RNF180: variants seen among roughly 807,000 people sequenced by gnomAD.
RNF180 encodes the protein ring finger protein 180.
RNF180 carries 38 observed loss-of-function variants against 59.2 expected under a neutral mutation model. The ratio of observed to expected loss-of-function variants is 0.64; its 90% CI spans 0.50 to 0.84. RNF180 has a LOEUF of 0.84. RNF180 is among the 40% of genes least tolerant of loss of function. The pLI is 0.00. For missense variants in RNF180, 705 were observed against 700.9 expected (o/e 1.01, Z -0.07); for synonymous variants, 262 against 240.3 (o/e 1.09, Z -0.84).
At chr5:64,200,757 C>G in intron 1 of RNF180, 51 bp from the exon 2 acceptor site, 1 of 1,524,228 alleles carries the variant, frequency 6.6e-7, no homozygotes, top group Middle Eastern at 2.1e-4. Context: ...TTTAGAAAGT[C>G]CAGTTTATCT....
chr5:64,320,139 T>A (rs115663716), intron 5 of RNF180, among the ~76,000 whole-genome samples: 77 of 152,336 alleles, frequency 5.1e-4, no homozygotes, highest in African/African-American at 1.7e-3. Context: ...CTGATTTTGA[T>A]AGGCAGTAAA....
At chr5:64,345,899 G>A (rs1745534163) in intron 7 of RNF180, among the ~76,000 whole-genome samples, 1 of 152,054 alleles carries the variant, frequency 6.6e-6, no homozygotes, top group Admixed American at 6.6e-5. Context: ...TTTTATGTGT[G>A]TGAAGTACAA....
At chr5:64,306,551 A>G (rs1342560727) in intron 5 of RNF180, among the ~76,000 whole-genome samples, 1 of 151,776 alleles carries the variant, frequency 6.6e-6, no homozygotes, top group African/African-American at 2.4e-5. Flanking sequence ...TGACCATACA[A>G]TAGCAAAGAC....
At chr5:64,228,792 C>A (rs1741928444) in intron 5 of RNF180, among the ~76,000 whole-genome samples, 1 of 151,938 alleles carries the variant, frequency 6.6e-6, no homozygotes, top group Non-Finnish European at 1.5e-5. Flanking sequence ...GGGAAAATCT[C>A]CAACAGACCA....
chr5:64,291,628 C>T (rs1580191429), intron 5 of RNF180, among the ~76,000 whole-genome samples: 1 of 151,728 alleles, frequency 6.6e-6, no homozygotes, highest in Non-Finnish European at 1.5e-5. Context: ...GGGGTTTCAC[C>T]GTGTTAGCCA....
intron 5 of RNF180, among the ~76,000 whole-genome samples, chr5:64,284,862 A>G (rs1742200873): frequency 6.6e-6 from 1 of 152,226 alleles, no homozygotes; most frequent in Admixed American, 6.5e-5. Context: ...TTGCTGGGAA[A>G]CTAGTGCAGT....
chr5:64,292,355 T>C (rs1264689099), intron 5 of RNF180, among the ~76,000 whole-genome samples: 1 of 152,200 alleles, frequency 6.6e-6, no homozygotes, highest in Non-Finnish European at 1.5e-5. Flanking sequence ...TATTTTCTTT[T>C]AACAACCAGG....
chr5:64,316,738 A>C (rs1744057532), intron 5 of RNF180, among the ~76,000 whole-genome samples: 1 of 152,208 alleles, frequency 6.6e-6, no homozygotes, highest in South Asian at 2.1e-4. Flanking sequence ...TGAATATATG[A>C]AATATAATTG....
chr5:64,197,916 T>G (rs545536926), intron 1 of RNF180, among the ~76,000 whole-genome samples: 1 of 152,292 alleles, frequency 6.6e-6, no homozygotes, highest in Non-Finnish European at 1.5e-5. Context: ...GACTTGCATT[T>G]AAGTAAATTC....
rs866015789 is a variant in RNF180, at chr5:64,351,665, A to G, written c.1580-17950A>G. On this transcript the variant is annotated intron_variant, in intron 7 of 7. Transcript: ENST00000389100. The stretch of plus-strand genomic sequence containing the variant: ...TTTCTGCATCTATTGAGATTATCAT[A>G]TGGTTTTTGTCTTTGGTTCTGTTTA... Among the ~76,000 whole-genome samples the G allele has an allele frequency of 4.6e-5, 7 of 151,524 alleles. No homozygotes were observed. In the East Asian group the frequency reaches 5.8e-4, roughly 13 times the overall value.
upstream of RNF180, among the ~76,000 whole-genome samples, chr5:64,165,354 C>T (rs1248206090): frequency 6.6e-6 from 1 of 152,022 alleles, no homozygotes; most frequent in Non-Finnish European, 1.5e-5. Flanking sequence ...TCTCCTTGCA[C>T]ATCGGTGGAA....
chr5:64,205,919 A>T (rs1473870179), intron 2 of RNF180, among the ~76,000 whole-genome samples: 1 of 152,204 alleles, frequency 6.6e-6, no homozygotes, highest in Non-Finnish European at 1.5e-5. Context: ...GAGTGAAAAA[A>T]TAGAACCGAA....
chr5:64,271,085 T>C (rs928244874), intron 5 of RNF180, among the ~76,000 whole-genome samples: 5 of 152,074 alleles, frequency 3.3e-5, no homozygotes, highest in Non-Finnish European at 7.4e-5. Context: ...TTTCATGTGC[T>C]TGGTAATGAT....
At chr5:64,248,879 A>G (rs1252424568) in intron 5 of RNF180, among the ~76,000 whole-genome samples, 1 of 152,248 alleles carries the variant, frequency 6.6e-6, no homozygotes, top group Non-Finnish European at 1.5e-5. Context: ...GAAAGACTGG[A>G]TAAAGAAAAT....
At chr5:64,219,378 C>A (rs763980592) in intron 5 of RNF180, among the ~76,000 whole-genome samples, 18 of 151,094 alleles carry the variant, frequency 1.2e-4, no homozygotes, top group Non-Finnish European at 2.4e-4. Context: ...ATTTTTTATG[C>A]CTCCGTCGTT....
In RNF180 at chr5:64,303,160, G is replaced by C. The variant is rs981371371; in HGVS notation, c.1228-22026G>C. 5.3e-5 allele frequency among the ~76,000 whole-genome samples: 8 copies of C among 151,584 alleles called. No homozygotes were observed. In the Admixed American group the frequency reaches 5.3e-4, roughly 10 times the overall value. On this transcript the variant is annotated intron_variant, in intron 5 of 7. Coordinates refer to ENST00000389100, the MANE Select transcript of RNF180 (RefSeq NM_001113561.2). Reference sequence around the variant, plus strand: ...GGCATCACCAACTATGCCCATATAAGATGGTGAACTTAATCCATAACTGTT... The same window carrying C: ...GGCATCACCAACTATGCCCATATAACATGGTGAACTTAATCCATAACTGTT...
chr5:64,270,575 T>G (rs878861295), intron 5 of RNF180, among the ~76,000 whole-genome samples: 1 of 152,136 alleles, frequency 6.6e-6, no homozygotes, highest in Non-Finnish European at 1.5e-5. Context: ...GAAGTGGCAT[T>G]CTTCCCATTG....
At chr5:64,175,495 G>A (rs1750186234) in intron 1 of RNF180, among the ~76,000 whole-genome samples, 2 of 152,190 alleles carry the variant, frequency 1.3e-5, no homozygotes, top group South Asian at 4.1e-4. Context: ...TTTTATAGCA[G>A]TACCATACCA....
At chr5:64,195,561 T>C (rs1039110641) in intron 1 of RNF180, among the ~76,000 whole-genome samples, 3 of 152,178 alleles carry the variant, frequency 2.0e-5, no homozygotes, top group African/African-American at 7.2e-5. Flanking sequence ...AATCAGAATT[T>C]AGTATAATGA....
Sources: allele counts gnomAD v4.1 joint callset (sites outside exome capture counted in the v4.1 genomes callset), GRCh38; gene constraint gnomAD v4.1.1; transcripts MANE v1.5; gene names NCBI Gene and HGNC (gene_info 2026-07-23, HGNC 2026-07-21).